MAP3K15: variants seen among roughly 807,000 people sequenced by gnomAD.
The protein encoded by MAP3K15 is MAPK/ERK kinase kinase 15.
Under a neutral mutation model 99.5 loss-of-function variants are expected in MAP3K15, and 124 were observed. The ratio of observed to expected loss-of-function variants is 1.25; its 90% CI spans 1.08 to 1.45. The LOEUF (loss-of-function observed/expected upper bound fraction) is 1.45, where lower values mean the gene tolerates loss of function less well. MAP3K15 is among the 40% of genes most tolerant of loss of function. The probability of loss-of-function intolerance (pLI) is 0.00; values close to 1 mark genes in which losing one functional copy is unlikely to be tolerated. For synonymous variants in MAP3K15, 494 were observed against 439.6 expected, an observed-to-expected ratio of 1.12 and a Z score of -1.55; for missense variants, 1,242 against 1,079.7, an observed-to-expected ratio of 1.15 and a Z score of -2.11.
chrX:19,370,646 C>T (rs1382334784), intron 24 of MAP3K15, among the ~76,000 whole-genome samples: 1 of 109,369 alleles, frequency 9.1e-6, no homozygotes, highest in Non-Finnish European at 1.9e-5. Flanking sequence ...ATCTGCCCAC[C>T]TCGTCCTCCC....
intron 3 of MAP3K15, among the ~76,000 whole-genome samples, chrX:19,484,060 A>G (rs2064308450): frequency 1.8e-5 from 2 of 111,630 alleles, no homozygotes; most frequent in Non-Finnish European, 3.8e-5. Flanking sequence ...ACCAAATTCT[A>G]ACATAATGCC....
At chrX:19,448,612 C>G (rs1030234187) in intron 6 of MAP3K15, among the ~76,000 whole-genome samples, 3 of 109,308 alleles carry the variant, frequency 2.7e-5, no homozygotes, top group African/African-American at 9.8e-5. Flanking sequence ...GAACTGTGTT[C>G]TTAAATCTCA....
Position 19,488,896 on chromosome X carries a change from T to C in MAP3K15, c.433A>G (p.Ser145Gly), listed in dbSNP as rs897099409. The C allele has an allele frequency of 8.4e-7, 1 of 1,196,648 alleles. No homozygotes were observed. The highest frequency in any genetic ancestry group is 1.1e-6 in the Non-Finnish European group (1 of 893,685). The change falls in exon 2 of 29, where the codon AGC becomes GGC. Residue 145 changes from serine (S) to glycine (G), a missense_variant. By Grantham distance (56) the Ser-to-Gly change is moderately conservative (BLOSUM62 0). Transcript: ENST00000338883. The part of the protein sequence containing the change: ...SLFYHLGVRE[S>G]FDMANNVILY... The stretch of plus-strand genomic sequence containing the variant: ...ATCACATTATTGGCCATGTCAAAGC[T>C]TTCTCGGACTCCAAGATGGTAGAAG...
At chrX:19,508,920 A>C (rs1405395771) in intron 1 of MAP3K15, among the ~76,000 whole-genome samples, 4 of 112,062 alleles carry the variant, frequency 3.6e-5, no homozygotes, top group Non-Finnish European at 7.5e-5. Flanking sequence ...AAATTTAAAA[A>C]TAAATATTTA....
chrX:19,413,435 G>A lies in MAP3K15; in HGVS notation c.1620C>T (p.Tyr540=). The change falls in exon 11 of 29, where the codon TAC becomes TAT. Residue 540 remains tyrosine (Y), a synonymous_variant. Transcript: ENST00000338883. The part of the protein sequence containing the change: ...PVLVIEPTKV[Y]QPSYVSINNE... Reference sequence around the variant, plus strand: ...TGTTTATGGAAACATAAGAAGGCTGGTACACTTTGGTTGGCTCTATGACCA... The same window carrying A: ...TGTTTATGGAAACATAAGAAGGCTGATACACTTTGGTTGGCTCTATGACCA... The A allele has an allele frequency of 1.7e-6, 2 of 1,207,399 alleles. No individual in the cohort carries two copies. Among genetic ancestry groups the A allele is most frequent in the Non-Finnish European group, 2.2e-6 (2 of 892,875 alleles).
At chrX:19,364,379 G>T (rs1411601249) in intron 25 of MAP3K15, among the ~76,000 whole-genome samples, 1 of 111,607 alleles carries the variant, frequency 9.0e-6, no homozygotes, top group Non-Finnish European at 1.9e-5. Context: ...TTTTGTTGGG[G>T]CTCAGAAAAC....
At chrX:19,385,477 A>G (rs2063488163) in intron 18 of MAP3K15, among the ~76,000 whole-genome samples, 1 of 111,265 alleles carries the variant, frequency 9.0e-6, no homozygotes, top group South Asian at 3.8e-4. Context: ...TCCACATTCA[A>G]CGGGAGGGAA....
intron 1 of MAP3K15, among the ~76,000 whole-genome samples, chrX:19,494,950 C>T (rs1200724415): frequency 9.2e-6 from 1 of 108,863 alleles, no homozygotes; most frequent in Non-Finnish European, 1.9e-5. Context: ...TTAGATCTTA[C>T]TTATCCACTG....
intron 22 of MAP3K15, among the ~76,000 whole-genome samples, chrX:19,371,985 T>C (rs1010386684): frequency 1.0e-4 from 11 of 109,297 alleles, no homozygotes; most frequent in Admixed American, 4.9e-4. Flanking sequence ...ATACAGAAAT[T>C]AGCTGGGTGT....
intron 18 of MAP3K15, among the ~76,000 whole-genome samples, chrX:19,381,143 G>T (rs1206538590): frequency 1.8e-5 from 2 of 111,970 alleles, no homozygotes; most frequent in African/African-American, 6.5e-5. Context: ...TTCGGGTCAG[G>T]AAACACTATG....
At chrX:19,465,830 GGT>G (rs10589040) in intron 3 of MAP3K15, among the ~76,000 whole-genome samples, 3,700 of 93,900 alleles carry the variant, frequency 0.039, 129 homozygotes, top group African/African-American at 0.11. Context: ...GGTGTGTAGG[GGT>G]GTGTGTGTGT....
At chrX:19,513,572 C>G (rs1277151497) in intron 1 of MAP3K15, among the ~76,000 whole-genome samples, 1 of 111,736 alleles carries the variant, frequency 8.9e-6, no homozygotes, top group Non-Finnish European at 1.9e-5. Context: ...CCCTACCCCG[C>G]CCTTCCAGCT....
At chrX:19,434,384 CCAGCTAATTT>C (rs1185105234) in intron 6 of MAP3K15, among the ~76,000 whole-genome samples, 1 of 105,151 alleles carries the variant, frequency 9.5e-6, no homozygotes, top group East Asian at 2.9e-4. Context: ...ACCACCACAC[CCAGCTAATTT>C]TTTAATTTTT....
chrX:19,369,018 C>T (rs1048531663), intron 25 of MAP3K15, 36 bp downstream of exon 25: 50 of 1,145,078 alleles, frequency 4.4e-5, no homozygotes, highest in Middle Eastern at 2.7e-4. Flanking sequence ...ACTGTCCCAG[C>T]GCCTGCTCCC....
chrX:19,420,247 A>G (rs748575176), intron 9 of MAP3K15, among the ~76,000 whole-genome samples: 5 of 111,813 alleles, frequency 4.5e-5, no homozygotes, highest in Non-Finnish European at 9.4e-5. Flanking sequence ...CAATGAATCC[A>G]GGAGCTGGTT....
chrX:19,417,523 G>A (rs146949101), intron 9 of MAP3K15, among the ~76,000 whole-genome samples: 2,168 of 111,828 alleles, frequency 0.019, 65 homozygotes, highest in African/African-American at 0.067. Context: ...CGAGGCTTGA[G>A]TAGGTAAACA....
intron 9 of MAP3K15, among the ~76,000 whole-genome samples, chrX:19,417,932 G>C (rs2063750424): frequency 8.9e-6 from 1 of 112,073 alleles, no homozygotes; most frequent in Non-Finnish European, 1.9e-5. Flanking sequence ...AGGCAAACAG[G>C]GTCTGGAGTG....
intron 1 of MAP3K15, among the ~76,000 whole-genome samples, chrX:19,505,612 C>T (rs956939769): frequency 9.0e-6 from 1 of 111,407 alleles, no homozygotes; most frequent in Admixed American, 9.5e-5. Context: ...AGTGGATTCA[C>T]CAAAAACTTG....
intron 3 of MAP3K15, among the ~76,000 whole-genome samples, chrX:19,475,406 C>T (rs929278753): frequency 6.3e-5 from 7 of 111,077 alleles, no homozygotes; most frequent in African/African-American, 2.3e-4. Flanking sequence ...GCGGCCCGGT[C>T]GGGTGGCCCA....
Sources: gnomAD v4.1 joint callset for allele counts (sites outside exome capture counted in the v4.1 genomes callset) on GRCh38, gnomAD v4.1.1 for gene constraint, MANE v1.5 for transcripts, NCBI Gene and HGNC (gene_info 2026-07-23, HGNC 2026-07-21) for gene names.